Variants in MRAP2 observed in about 807,000 individuals in gnomAD.
The protein encoded by MRAP2 is melanocortin-2 receptor accessory protein 2.
MRAP2 carries 20 observed loss-of-function variants against 17.4 expected under a neutral mutation model. That is an observed-to-expected ratio of 1.15 (90% confidence interval 0.81 to 1.67). MRAP2 has a LOEUF of 1.67. Among genes scored for constraint, MRAP2 ranks in the 40% most tolerant of loss-of-function variants. MRAP2 has a pLI of 0.00. For missense variants in MRAP2, 238 were observed against 240.0 expected, an observed-to-expected ratio of 0.99 and a Z score of 0.05; for synonymous variants, 96 against 88.4, an observed-to-expected ratio of 1.09 and a Z score of -0.48.
downstream of MRAP2, among the ~76,000 whole-genome samples, chr6:84,094,838 C>T (rs970948499): frequency 5.3e-5 from 8 of 151,902 alleles, no homozygotes; most frequent in South Asian, 1.0e-3. Flanking sequence ...ACTACAGGTG[C>T]GCACCACCGC....
At chr6:84,100,084 T>G in the MRAP2 span, among the ~76,000 whole-genome samples, 1 of 152,154 alleles carries the variant, frequency 6.6e-6, no homozygotes, top group Non-Finnish European at 1.5e-5. Flanking sequence ...GATCTCGAAC[T>G]CCTGGCCCCA....
rs375536731 is a variant in MRAP2 at position 84,089,352 on chromosome 6, G to T, written c.489G>T (p.Lys163Asn). 5 of 1,614,174 alleles carry T rather than the reference G, an allele frequency of 3.1e-6. No homozygotes were observed. Among genetic ancestry groups the T allele is most frequent in the East Asian group, 4.5e-5 (2 of 44,874 alleles). Residue 163 changes from lysine to asparagine, a missense_variant, in exon 4 of 4, where the codon AAG (lysine) becomes AAT (asparagine). By Grantham distance (94) the Lys-to-Asn change is moderately conservative (BLOSUM62 0). Transcript: ENST00000257776. ...QPEEELNRLM[K>N]FDIPNFVNTD... ...AGGAGGAGCTGAACAGGCTCATGAA[G>T]TTTGACATCCCCAACTTTGTGAACA...
At chr6:84,141,524 TC>T in the MRAP2 span, among the ~76,000 whole-genome samples, 9 of 152,132 alleles carry the variant, frequency 5.9e-5, no homozygotes, top group Non-Finnish European at 1.2e-4. Context: ...TAAACATCTT[TC>T]CTCAAAATCC....
intron 2 of MRAP2, among the ~76,000 whole-genome samples, chr6:84,060,240 C>G (rs987061914): frequency 1.3e-5 from 2 of 152,184 alleles, no homozygotes; most frequent in African/African-American, 2.4e-5. Flanking sequence ...CCTGCCTCTC[C>G]CCAACTCTGC....
intron 2 of MRAP2, among the ~76,000 whole-genome samples, chr6:84,056,441 A>G (rs888911484): frequency 1.3e-5 from 2 of 152,168 alleles, no homozygotes; most frequent in Admixed American, 6.5e-5. Flanking sequence ...TAATTAAACC[A>G]TATGTCCTTT....
At chr6:84,138,459 A>T in the MRAP2 span, among the ~76,000 whole-genome samples, 1 of 152,204 alleles carries the variant, frequency 6.6e-6, no homozygotes. Flanking sequence ...CATAATACAC[A>T]GGACGTCAGG....
chr6:84,047,105 G>GA (rs1212018059), intron 1 of MRAP2, among the ~76,000 whole-genome samples: 1 of 151,952 alleles, frequency 6.6e-6, no homozygotes, highest in East Asian at 1.9e-4. Context: ...GCTTTAGAGA[G>GA]TTCTCATTAC....
the MRAP2 span, among the ~76,000 whole-genome samples, chr6:84,101,438 G>T: frequency 2.6e-5 from 4 of 152,152 alleles, no homozygotes; most frequent in Non-Finnish European, 4.4e-5. Flanking sequence ...ATATGAGTAG[G>T]GAAATCAGCT....
chr6:84,081,045 G>A (rs2099498833), intron 3 of MRAP2, among the ~76,000 whole-genome samples: 1 of 152,192 alleles, frequency 6.6e-6, no homozygotes, highest in Non-Finnish European at 1.5e-5. Context: ...CCATGGGTGG[G>A]TTGAATTAAA....
At chr6:84,109,635 G>A in the MRAP2 span, among the ~76,000 whole-genome samples, 1 of 151,914 alleles carries the variant, frequency 6.6e-6, no homozygotes, top group African/African-American at 2.4e-5. Context: ...AAGTTCTGGG[G>A]TACATGTGCA....
intron 3 of MRAP2, among the ~76,000 whole-genome samples, chr6:84,074,564 G>A (rs2099497106): frequency 6.6e-6 from 1 of 152,216 alleles, no homozygotes; most frequent in South Asian, 2.1e-4. Context: ...ACATGGAAGT[G>A]TGTGAGCTTC....
chr6:84,033,213 C>T (rs2099485009), upstream of MRAP2, among the ~76,000 whole-genome samples: 1 of 152,204 alleles, frequency 6.6e-6, no homozygotes, highest in Non-Finnish European at 1.5e-5. Context: ...CAGATCAATG[C>T]CTGGCATGCA....
chr6:84,071,217 T>C (rs994818299), intron 3 of MRAP2, among the ~76,000 whole-genome samples: 5 of 152,238 alleles, frequency 3.3e-5, no homozygotes, highest in Non-Finnish European at 7.3e-5. Flanking sequence ...TTGATGTGTT[T>C]CCAGGATTTG....
rs1357258467 is a variant in MRAP2 at position 84,043,562 on chromosome 6, A to G, written c.-8+9679A>G. Among the ~76,000 whole-genome samples the G allele has an allele frequency of 4.6e-5, 7 of 151,252 alleles. 1 individual carries two copies. The South Asian group carries it at 8.3e-4, about 18-fold the overall frequency. On this transcript the variant is annotated intron_variant, in intron 1 of 3. Transcript: ENST00000257776. ...TTCCCCCGCTGCAGGTTCCTGTACC[A>G]TCATGAGCCCTCCCTTTTTTAATGA...
At chr6:84,064,281 G>A (rs974128924) in intron 3 of MRAP2, among the ~76,000 whole-genome samples, 6 of 151,644 alleles carry the variant, frequency 4.0e-5, no homozygotes, top group African/African-American at 1.5e-4. Context: ...TCTCAGGGAA[G>A]GAGCCTCAAA....
Position 84,089,321 on chromosome 6 carries a change from A to G in MRAP2, c.458A>G (p.Gln153Arg), listed in dbSNP as rs1481983529. 1.2e-6 allele frequency: 2 copies of G among 1,614,236 alleles called. No individual in the cohort carries two copies. Among genetic ancestry groups the G allele is most frequent in the South Asian group, 2.2e-5 (2 of 91,082 alleles). Residue 153 changes from glutamine to arginine, a missense_variant, in exon 4 of 4, where the codon CAG becomes CGG. Coordinates refer to ENST00000257776, the MANE Select transcript of MRAP2 (RefSeq NM_138409.4). Reference protein sequence around the residue: ...QLQEAIRSSGQPEEELNRLMK... With the variant: ...QLQEAIRSSGRPEEELNRLMK... ...CAGGAAGCCATCAGAAGCAGTGGGC[A>G]GCCAGAGGAGGAGCTGAACAGGCTC...
At chr6:84,131,274 A>T in the MRAP2 span, among the ~76,000 whole-genome samples, 1 of 152,140 alleles carries the variant, frequency 6.6e-6, no homozygotes, top group African/African-American at 2.4e-5. Context: ...TTTACTTCCA[A>T]TTATGTGGTC....
chr6:84,109,390 C>T, the MRAP2 span, among the ~76,000 whole-genome samples: 19 of 151,978 alleles, frequency 1.3e-4, no homozygotes, highest in Non-Finnish European at 2.4e-4. Context: ...GTCCTTCATT[C>T]CCTTGTTAGC....
the MRAP2 span, among the ~76,000 whole-genome samples, chr6:84,145,478 G>T: frequency 2.0e-5 from 3 of 152,110 alleles, no homozygotes; most frequent in African/African-American, 7.2e-5. Context: ...ATCTCTGATA[G>T]AAATGAGGGT....
Sources: gnomAD v4.1 joint callset for allele counts (sites outside exome capture counted in the v4.1 genomes callset) on GRCh38, gnomAD v4.1.1 for gene constraint, MANE v1.5 for transcripts, NCBI Gene and HGNC (gene_info 2026-07-23, HGNC 2026-07-21) for gene names.